The following ST18 variants were observed in gnomAD, a reference collection of about 807,000 sequenced individuals.
The protein encoded by ST18 is ST18 C2H2C-type zinc finger transcription factor.
A neutral mutation model predicts 110.0 loss-of-function variants in ST18; 50 were observed. That is an observed-to-expected ratio of 0.45 (90% CI 0.36 to 0.58). The LOEUF (loss-of-function observed/expected upper bound fraction) is 0.58, where lower values mean the gene tolerates loss of function less well. Among genes scored for constraint, ST18 ranks in the 20% least tolerant of loss-of-function variants. ST18 has a pLI of 0.00. For synonymous variants in ST18, 461 were observed against 452.4 expected (o/e 1.02, Z -0.24); for missense variants, 1,306 against 1,280.1 (o/e 1.02, Z -0.31).
intron 8 of ST18, among the ~76,000 whole-genome samples, chr8:52,205,934 G>A (rs1281194589): frequency 6.6e-6 from 1 of 152,150 alleles, no homozygotes; most frequent in East Asian, 1.9e-4. Flanking sequence ...CTGAAGGTTA[G>A]GATACTTTTC....
At chr8:52,123,183 T>C (rs2045671268) in intron 23 of ST18, among the ~76,000 whole-genome samples, 1 of 152,208 alleles carries the variant, frequency 6.6e-6, no homozygotes, top group Admixed American at 6.5e-5. Flanking sequence ...AATGTACACA[T>C]TTTTTGATAT....
At chr8:52,279,853 T>C (rs1426721404) in intron 2 of ST18, among the ~76,000 whole-genome samples, 1 of 152,106 alleles carries the variant, frequency 6.6e-6, no homozygotes, top group Non-Finnish European at 1.5e-5. Context: ...ACCTCTAAGG[T>C]GTCTCCTAAA....
chr8:52,254,475 C>T (rs994060359), intron 2 of ST18: 1 of 152,208 alleles, frequency 6.6e-6, no homozygotes, highest in Non-Finnish European at 1.5e-5. Context: ...TGCGCATACA[C>T]AGATTTTTTT....
chr8:52,280,533 T>C (rs1256377641), intron 2 of ST18, among the ~76,000 whole-genome samples: 1 of 152,056 alleles, frequency 6.6e-6, no homozygotes, highest in East Asian at 1.9e-4. Flanking sequence ...TTGTAAAATG[T>C]TGTATCAAGT....
At chr8:52,118,503 G>T in intron 23 of ST18, 62 bp from the exon 24 acceptor site, 2 of 939,510 alleles carry the variant, frequency 2.1e-6, no homozygotes, top group Non-Finnish European at 3.1e-6. Context: ...GTCATTATAT[G>T]TTTAATTTGT....
chr8:52,143,820 G>A (rs972057229), intron 16 of ST18, among the ~76,000 whole-genome samples: 2 of 152,092 alleles, frequency 1.3e-5, no homozygotes, highest in Non-Finnish European at 2.9e-5. Context: ...TTTGGTTAAC[G>A]GAATGCCCTT....
chr8:52,112,054 T>C lies in ST18; in HGVS notation c.*1144A>G, dbSNP rs752753826. On this transcript the variant is annotated 3_prime_UTR_variant, in exon 26 of 26. Transcript: ENST00000689386. ...GTTTTGTGGCAAGATTTCTATCAAA[T>C]TGAATGTTGTCTTGTTTCCTATGGT... 6 of 152,532 alleles carry C rather than the reference T, an allele frequency of 3.9e-5. No homozygotes were observed. The highest frequency in any genetic ancestry group is 2.0e-4 in the Admixed American group (3 of 15,262). The allele number at this position is 152,532 out of a possible 1,614,324, so 9.4% of individuals were successfully genotyped here.
Position 52,185,716 on chromosome 8 carries a change from T to C in ST18, c.87-5404A>G, listed in dbSNP as rs150614143. Among the ~76,000 whole-genome samples, 43 of 152,256 alleles carry C rather than the reference T, an allele frequency of 2.8e-4. 1 individual carries two copies. In the East Asian group the frequency reaches 7.9e-3, roughly 28 times the overall value. ...TGAACAGTGCTCGATTAATTGGATA[T>C]CTATCTGAAAAAGAGATCCCTCTAC... On this transcript the variant is annotated intron_variant, in intron 8 of 25. Coordinates refer to ENST00000689386, the MANE Select transcript of ST18 (RefSeq NM_001352837.2).
At chr8:52,211,573 A>G (rs1353117927) in intron 8 of ST18, among the ~76,000 whole-genome samples, 1 of 151,892 alleles carries the variant, frequency 6.6e-6, no homozygotes, top group African/African-American at 2.4e-5. Context: ...TGCCTGGCTA[A>G]TTTTTTATAT....
chr8:52,306,783 A>G (rs1368402020), intron 2 of ST18, among the ~76,000 whole-genome samples: 2 of 152,202 alleles, frequency 1.3e-5, no homozygotes, highest in Non-Finnish European at 2.9e-5. Flanking sequence ...GATATAATAT[A>G]GATGAAAGAA....
intron 22 of ST18, among the ~76,000 whole-genome samples, chr8:52,129,159 A>T (rs2048225333): frequency 2.0e-5 from 3 of 152,170 alleles, no homozygotes; most frequent in Admixed American, 2.0e-4. Flanking sequence ...GCGTTTTGCC[A>T]TATTATTCCA....
intron 2 of ST18, among the ~76,000 whole-genome samples, chr8:52,402,334 A>G (rs931810052): frequency 2.6e-5 from 4 of 152,088 alleles, no homozygotes; most frequent in African/African-American, 9.7e-5. Context: ...TTGTTGAACT[A>G]CTGTGGCACC....
intron 2 of ST18, among the ~76,000 whole-genome samples, chr8:52,293,122 G>A (rs1323765176): frequency 6.6e-6 from 1 of 152,228 alleles, no homozygotes; most frequent in Non-Finnish European, 1.5e-5. Flanking sequence ...TGCCACTTGT[G>A]TGAGGCAGCA....
At position 52,161,385 on chromosome 8, in the gene ST18, T is replaced by C; in HGVS notation, c.1584A>G (p.Pro528=). The C allele has an allele frequency of 6.2e-7, 1 of 1,613,570 alleles. No homozygotes were observed. The highest frequency in any genetic ancestry group is 8.5e-7 in the Non-Finnish European group (1 of 1,179,694). ...IQTVQGRKTP[P]FPESKHFPNP... ...GAGCTCAAAGCTTACATTCAGGAAATGGTGGTGTTTTTCGTCCTTGCACTG... is the reference window on the plus strand; with the variant it reads ...GAGCTCAAAGCTTACATTCAGGAAACGGTGGTGTTTTTCGTCCTTGCACTG... Residue 528 remains proline, a synonymous_variant, in exon 14 of 26, where the codon CCA becomes CCG. Coordinates refer to ENST00000689386, the MANE Select transcript of ST18 (RefSeq NM_001352837.2).
intron 17 of ST18, among the ~76,000 whole-genome samples, chr8:52,139,083 G>A (rs2053719664): frequency 6.6e-6 from 1 of 150,620 alleles, no homozygotes; most frequent in African/African-American, 2.5e-5. Flanking sequence ...CCCTTTTCCT[G>A]GATAAGATAA....
At chr8:52,235,683 T>C (rs2092541441) in intron 2 of ST18, among the ~76,000 whole-genome samples, 1 of 152,126 alleles carries the variant, frequency 6.6e-6, no homozygotes, top group African/African-American at 2.4e-5. Flanking sequence ...ACAGGTAATA[T>C]CTGAAAACTA....
chr8:52,373,855 C>T (rs1043804274), intron 2 of ST18, among the ~76,000 whole-genome samples: 14 of 152,174 alleles, frequency 9.2e-5, no homozygotes, highest in Non-Finnish European at 1.8e-4. Context: ...GAGAAGCACC[C>T]ACCACCATGC....
chr8:52,306,947 G>A (rs559079197), intron 2 of ST18, among the ~76,000 whole-genome samples: 1 of 152,238 alleles, frequency 6.6e-6, no homozygotes, highest in African/African-American at 2.4e-5. Context: ...ATATTTAATA[G>A]CCCAACTTTT....
chr8:52,190,217 A>G (rs1588086888), intron 8 of ST18, among the ~76,000 whole-genome samples: 1 of 152,276 alleles, frequency 6.6e-6, no homozygotes, highest in Middle Eastern at 3.4e-3. Context: ...TGTATATAAA[A>G]CAGAAATGAA....
Sources: allele counts gnomAD v4.1 joint callset (sites outside exome capture counted in the v4.1 genomes callset), GRCh38; gene constraint gnomAD v4.1.1; transcripts MANE v1.5; gene names NCBI Gene and HGNC (gene_info 2026-07-23, HGNC 2026-07-21).